PTPRT: variants seen among roughly 807,000 people sequenced by gnomAD.
PTPRT encodes receptor-type tyrosine-protein phosphatase T.
A neutral mutation model predicts 176.8 loss-of-function variants in PTPRT; 56 were observed. That is an observed-to-expected ratio of 0.32 (90% CI 0.26 to 0.40). The LOEUF (loss-of-function observed/expected upper bound fraction) is 0.40. Ranked by LOEUF, PTPRT falls within the 10% of genes least tolerant of loss-of-function variation. PTPRT has a pLI of 1.00. For synonymous variants in PTPRT, 783 were observed against 739.0 expected (o/e 1.06, Z -0.96); for missense variants, 1,540 against 1,908.2 (o/e 0.81, Z 3.60).
chr20:42,291,333 C>T (rs1306527497), intron 12 of PTPRT, among the ~76,000 whole-genome samples: 1 of 152,190 alleles, frequency 6.6e-6, no homozygotes, highest in Non-Finnish European at 1.5e-5. Flanking sequence ...ATAGAGCATG[C>T]AGACCTGGGG....
the PTPRT span, among the ~76,000 whole-genome samples, chr20:42,067,307 T>TGG: frequency 1.3e-5 from 2 of 152,200 alleles, no homozygotes; most frequent in African/African-American, 4.8e-5. Flanking sequence ...TATCGGCATT[T>TGG]AGTGTTGGCT....
At chr20:42,972,020 GCA>G (rs1185817556) in intron 1 of PTPRT, among the ~76,000 whole-genome samples, 1 of 151,586 alleles carries the variant, frequency 6.6e-6, no homozygotes, top group Non-Finnish European at 1.5e-5. Context: ...TAGCCAGAGT[GCA>G]CAGACAACCT....
chr20:42,556,458 G>A lies in PTPRT; in HGVS notation c.1154-83896C>T, dbSNP rs1027301308. Reference sequence around the variant, plus strand: ...AATCATGAAGTAAGTGGATATTGGCGGTGGAAACCCCACCTTCCTGAAACC... The same window carrying A: ...AATCATGAAGTAAGTGGATATTGGCAGTGGAAACCCCACCTTCCTGAAACC... On this transcript the variant is annotated intron_variant, in intron 7 of 30. Coordinates refer to ENST00000373187, the MANE Select transcript of PTPRT (RefSeq NM_007050.6). Among the ~76,000 whole-genome samples the A allele has an allele frequency of 5.3e-5, 8 of 152,200 alleles. No individual in the cohort carries two copies. In the East Asian group the frequency reaches 5.8e-4, roughly 11 times the overall value.
rs568342416 is a variant in PTPRT, at chr20:42,080,347, C to T, written c.*532G>A. On this transcript the variant is annotated 3_prime_UTR_variant, in exon 31 of 31. Transcript: ENST00000373187. ...GCCTCTCTTGTGGCCTAGGGAACAT[C>T]GTAAGGTCACACTGGTCCAGACTGC... 5 of 233,192 alleles carry T rather than the reference C, an allele frequency of 2.1e-5. No individual in the cohort carries two copies. The highest frequency in any genetic ancestry group is 8.8e-5 in the African/African-American group (4 of 45,444). The allele number at this position is 233,192 out of a possible 1,614,324, so 14.4% of individuals were successfully genotyped here. A position where few individuals can be genotyped will look rare whatever the true frequency, so the allele number is the denominator to read the frequency against.
intron 1 of PTPRT, among the ~76,000 whole-genome samples, chr20:43,151,714 T>C (rs2014360912): frequency 6.6e-6 from 1 of 151,910 alleles, no homozygotes; most frequent in Non-Finnish European, 1.5e-5. Context: ...ATACAAAAAA[T>C]TAGCCAGGCA....
chr20:43,026,962 T>C (rs569664345), intron 1 of PTPRT, among the ~76,000 whole-genome samples: 18 of 152,318 alleles, frequency 1.2e-4, no homozygotes, highest in African/African-American at 4.3e-4. Flanking sequence ...AATTTCTTTT[T>C]CCATTCATCT....
chr20:42,576,617 G>A (rs759976465), intron 7 of PTPRT, among the ~76,000 whole-genome samples: 10 of 152,160 alleles, frequency 6.6e-5, no homozygotes, highest in Non-Finnish European at 1.2e-4. Flanking sequence ...GAACTTGCAA[G>A]TCTGGAGTTT....
chr20:42,113,116 G>A (rs1457930422), intron 22 of PTPRT, among the ~76,000 whole-genome samples: 2 of 152,166 alleles, frequency 1.3e-5, no homozygotes, highest in African/African-American at 4.8e-5. Context: ...TTTGCTGAGT[G>A]CCTGCCTGCA....
At chr20:42,530,835 G>A (rs1470187411) in intron 7 of PTPRT, among the ~76,000 whole-genome samples, 1 of 152,172 alleles carries the variant, frequency 6.6e-6, no homozygotes, top group Non-Finnish European at 1.5e-5. Flanking sequence ...TAGTGGCCAA[G>A]TATTTGCTTT....
At chr20:43,165,067 G>A (rs1314327690) in intron 1 of PTPRT, among the ~76,000 whole-genome samples, 5 of 152,002 alleles carry the variant, frequency 3.3e-5, no homozygotes, top group African/African-American at 1.2e-4. Flanking sequence ...ACTGAGTCAT[G>A]GGGGTGGGTT....
intron 7 of PTPRT, among the ~76,000 whole-genome samples, chr20:42,485,544 A>G (rs1212080130): frequency 6.6e-6 from 1 of 152,224 alleles, no homozygotes; most frequent in Admixed American, 6.5e-5. Context: ...AAAACAAACA[A>G]AAGTAATATC....
Position 42,948,195 on chromosome 20 carries a change from C to T in PTPRT, c.89-62263G>A, listed in dbSNP as rs542092793. Among the ~76,000 whole-genome samples, 6 of 152,302 alleles carry T rather than the reference C, an allele frequency of 3.9e-5. No homozygotes were observed. In the South Asian group the frequency reaches 1.0e-3, roughly 26 times the overall value. On this transcript the variant is annotated intron_variant, in intron 1 of 30. Transcript: ENST00000373187. ...CATGGCTGATCCATGAGATGCTCTTCAAGGCCCTGCACCAGGACCCCTTCT... is the reference window on the plus strand; with the variant it reads ...CATGGCTGATCCATGAGATGCTCTTTAAGGCCCTGCACCAGGACCCCTTCT...
At chr20:42,143,554 TTC>T in intron 17 of PTPRT, among the ~76,000 whole-genome samples, 1 of 138,392 alleles carries the variant, frequency 7.2e-6, no homozygotes, top group African/African-American at 2.6e-5. Flanking sequence ...GAGACTCTGT[TTC>T]AAAAAAAAAA....
chr20:42,734,079 A>G (rs1309000585), intron 6 of PTPRT, among the ~76,000 whole-genome samples: 1 of 152,198 alleles, frequency 6.6e-6, no homozygotes, highest in African/African-American at 2.4e-5. Flanking sequence ...TGATTCCTGT[A>G]ATGCCTGAGC....
In PTPRT at chr20:42,476,833, G is replaced by A. The variant is rs947317177; in HGVS notation, c.1154-4271C>T. Among the ~76,000 whole-genome samples, 13 of 152,314 alleles carry A rather than the reference G, an allele frequency of 8.5e-5. No individual in the cohort carries two copies. In the East Asian group the frequency reaches 2.3e-3, roughly 27 times the overall value. On this transcript the variant is annotated intron_variant, in intron 7 of 30. Transcript: ENST00000373187. ...ATAGGAAGTTGAGACTCAGTGAAGA[G>A]ATGTAACTTACCCAGGGCCACATGG... is the stretch of plus-strand genomic sequence containing the variant.
intron 7 of PTPRT, among the ~76,000 whole-genome samples, chr20:42,569,995 G>C (rs1037127676): frequency 1.3e-5 from 2 of 152,152 alleles, no homozygotes; most frequent in Non-Finnish European, 2.9e-5. Context: ...TAAGTAACTT[G>C]CCCAACATTT....
At chr20:42,526,761 T>C (rs1276535519) in intron 7 of PTPRT, among the ~76,000 whole-genome samples, 2 of 152,090 alleles carry the variant, frequency 1.3e-5, no homozygotes, top group African/African-American at 2.4e-5. Context: ...CAGCTATTTG[T>C]AGAAGGTTTT....
At chr20:42,149,194 A>C (rs1989013723) in intron 17 of PTPRT, among the ~76,000 whole-genome samples, 1 of 152,186 alleles carries the variant, frequency 6.6e-6, no homozygotes. Context: ...GAGCTGGGGA[A>C]GGAATGTTCC....
chr20:42,514,010 T>C (rs2145468290), intron 7 of PTPRT, among the ~76,000 whole-genome samples: 1 of 152,314 alleles, frequency 6.6e-6, no homozygotes, highest in East Asian at 1.9e-4. Context: ...AGCGTAAATA[T>C]GACAATTTAC....
Sources: allele counts gnomAD v4.1 joint callset (sites outside exome capture counted in the v4.1 genomes callset), GRCh38; gene constraint gnomAD v4.1.1; transcripts MANE v1.5; gene names NCBI Gene and HGNC (gene_info 2026-07-23, HGNC 2026-07-21).